Variants in GAD2 observed in about 807,000 individuals in gnomAD.
The protein encoded by GAD2 is glutamate decarboxylase 2, also known as 65 kDa glutamic acid decarboxylase.
Under a neutral mutation model 80.1 loss-of-function variants are expected in GAD2, and 22 were observed. The ratio of observed to expected loss-of-function variants is 0.27; its 90% CI spans 0.20 to 0.39. The LOEUF (loss-of-function observed/expected upper bound fraction) is 0.39. Among genes scored for constraint, GAD2 ranks in the 10% least tolerant of loss-of-function variants. The pLI, the probability that GAD2 is intolerant of heterozygous loss-of-function variation, is 1.00. For synonymous variants in GAD2, 274 were observed against 256.9 expected (o/e 1.07, Z -0.64); for missense variants, 624 against 738.4 (o/e 0.85, Z 1.80).
At chr10:26,250,172 C>T (rs1206449658) in intron 8 of GAD2, among the ~76,000 whole-genome samples, 2 of 152,084 alleles carry the variant, frequency 1.3e-5, no homozygotes, top group Non-Finnish European at 2.9e-5. Context: ...CACTACGACA[C>T]CCAGCTCATT....
intron 4 of GAD2, among the ~76,000 whole-genome samples, chr10:26,220,704 C>G (rs747901379): frequency 1.3e-5 from 2 of 152,116 alleles, no homozygotes; most frequent in Non-Finnish European, 2.9e-5. Context: ...TATTTAGATA[C>G]GTTAATAGTA....
At chr10:26,239,264 T>C (rs1270469790) in intron 7 of GAD2, among the ~76,000 whole-genome samples, 2 of 152,210 alleles carry the variant, frequency 1.3e-5, no homozygotes, top group African/African-American at 4.8e-5. Context: ...TTTCTCTTTA[T>C]TTGAGGTCTC....
At chr10:26,245,392 A>G (rs1167642190) in intron 7 of GAD2, among the ~76,000 whole-genome samples, 1 of 152,012 alleles carries the variant, frequency 6.6e-6, no homozygotes. Flanking sequence ...ATAAAAAAAA[A>G]ATAAATAAAA....
intron 8 of GAD2, among the ~76,000 whole-genome samples, chr10:26,254,128 C>G (rs557583667): frequency 1.8e-4 from 27 of 152,300 alleles, no homozygotes; most frequent in African/African-American, 5.8e-4. Flanking sequence ...CCTCTGCCTC[C>G]CAGGTTCCAG....
rs1247700080 is a variant in GAD2, at chr10:26,229,705, T to C, written c.768T>C (p.Phe256=). The part of the protein sequence containing the change: ...SNMYAMMIAR[F]KMFPEVKEKG... ...TGTATGCCATGATGATCGCACGCTT[T>C]AAGATGTTCCCAGAAGTCAAGGAGA... Residue 256 remains phenylalanine, a synonymous_variant, in exon 7 of 16, where the codon TTT becomes TTC. Transcript: ENST00000376261. The C allele has an allele frequency of 6.2e-7, 1 of 1,614,210 alleles. No individual in the cohort carries two copies. The highest frequency in any genetic ancestry group is 1.1e-5 in the South Asian group (1 of 91,076).
chr10:26,273,859 G>A (rs1415723404), intron 11 of GAD2, among the ~76,000 whole-genome samples, 159 bp downstream of exon 11: 1 of 151,780 alleles, frequency 6.6e-6, no homozygotes, highest in Non-Finnish European at 1.5e-5. Context: ...CATGAATGTG[G>A]GTAAACAACA....
intron 6 of GAD2, chr10:26,224,863 C>A: frequency 1.9e-6 from 1 of 520,166 alleles, no homozygotes. Context: ...TATTTGTGTG[C>A]AAAGTGAGCA....
At chr10:26,269,442 C>T (rs8190709) in intron 9 of GAD2, among the ~76,000 whole-genome samples, 1 of 152,204 alleles carries the variant, frequency 6.6e-6, no homozygotes, top group Non-Finnish European at 1.5e-5. Flanking sequence ...TGAGGGTTGG[C>T]ATGAAACACC....
At position 26,270,630 on chromosome 10, in the gene GAD2, G is replaced by C; in HGVS notation, c.976-10G>C. 6.3e-7 allele frequency: 1 copy of C among 1,598,546 alleles called. No homozygotes were observed. The highest frequency in any genetic ancestry group is 1.1e-5 in the South Asian group (1 of 90,730). ...GTTTTCCATGATTTGGGGCTTTCTC[G>C]TTCGCACAGGGGTTTGTTCCTTTCC... On this transcript the variant is annotated splice_polypyrimidine_tract_variant and intron_variant, in intron 9 of 15. Transcript: ENST00000376261.
intron 6 of GAD2, among the ~76,000 whole-genome samples, chr10:26,226,973 A>G (rs1844535062): frequency 1.3e-5 from 2 of 152,154 alleles, no homozygotes; most frequent in Admixed American, 1.3e-4. Flanking sequence ...ATGTTTCAGC[A>G]CTTGCTTTTA....
intron 15 of GAD2, 71 bp from the exon 16 acceptor site, chr10:26,300,717 G>C (rs1834320068): frequency 7.2e-7 from 1 of 1,389,980 alleles, no homozygotes; most frequent in Non-Finnish European, 1.0e-6. Flanking sequence ...GACGCTGCTT[G>C]CTGTTGGGTT....
chr10:26,218,088 G>T, intron 3 of GAD2, 97 bp downstream of exon 3: 1 of 1,304,524 alleles, frequency 7.7e-7, no homozygotes, highest in South Asian at 1.5e-5. Context: ...CCGGACAGGG[G>T]CGTCGAGGTG....
chr10:26,303,165 A>C lies in GAD2; in HGVS notation c.*2204A>C, dbSNP rs1302778578. The C allele has an allele frequency of 1.3e-5, 2 of 152,172 alleles. No individual in the cohort carries two copies. Among genetic ancestry groups the C allele is most frequent in the African/African-American group, 2.4e-5 (1 of 41,434 alleles). 9.4% of individuals were successfully genotyped at this position (152,172 alleles called of 1,614,324 possible). A position where few individuals can be genotyped will look rare whatever the true frequency, so the allele number is the denominator to read the frequency against. ...CCTAGATTATAAACTGCTGCTTTTT[A>C]GGTTAATGAGATGGTAAAATTTTAA... On this transcript the variant is annotated 3_prime_UTR_variant, in exon 16 of 16. Coordinates refer to ENST00000376261, the MANE Select transcript of GAD2 (RefSeq NM_001134366.2).
chr10:26,286,877 C>CA (rs948872668), intron 13 of GAD2, among the ~76,000 whole-genome samples: 3 of 151,978 alleles, frequency 2.0e-5, no homozygotes, highest in Non-Finnish European at 4.4e-5. Flanking sequence ...GTCTGGAGAA[C>CA]AAAAAAGAAA....
chr10:26,255,570 C>T (rs527933107), intron 8 of GAD2, among the ~76,000 whole-genome samples: 6 of 140,286 alleles, frequency 4.3e-5, no homozygotes, highest in African/African-American at 1.6e-4. Flanking sequence ...AGGTGGAGGA[C>T]CCACTAGAGA....
intron 7 of GAD2, among the ~76,000 whole-genome samples, chr10:26,235,584 A>C (rs982108428): frequency 3.9e-5 from 6 of 152,378 alleles, no homozygotes; most frequent in African/African-American, 1.4e-4. Context: ...AAGAGTTCCA[A>C]GATTACTTTT....
At position 26,265,038 on chromosome 10, in the gene GAD2, T is replaced by C. The variant is rs117587070; in HGVS notation, c.921-4081T>C. On this transcript the variant is annotated intron_variant, in intron 8 of 15. Transcript: ENST00000376261. ...TAATCAGTTCTTCCCTTTGGAGCTATGGGGAATTAGGCATGAAACTGGGAC... is the reference window on the plus strand; with the variant it reads ...TAATCAGTTCTTCCCTTTGGAGCTACGGGGAATTAGGCATGAAACTGGGAC... 9.3e-3 allele frequency among the ~76,000 whole-genome samples: 1,422 copies of C among 152,258 alleles called. 15 individuals carry two copies. The highest frequency in any genetic ancestry group is 0.016 in the Non-Finnish European group (1,085 of 67,994).
chr10:26,275,364 A>C (rs1435809383), intron 11 of GAD2, among the ~76,000 whole-genome samples: 1 of 152,086 alleles, frequency 6.6e-6, no homozygotes, highest in Non-Finnish European at 1.5e-5. Context: ...TAAATTACCT[A>C]CCCTGAGCCT....
chr10:26,217,708 CG>C lies in GAD2; in HGVS notation c.136+43del, dbSNP rs750938580. The C allele has an allele frequency of 1.2e-6, 2 of 1,606,814 alleles. No individual in the cohort carries two copies. The highest frequency in any genetic ancestry group is 1.7e-5 in the Admixed American group (1 of 59,098). ...GACCGGGGCGGCCAAGGTCGGCCCG[CG>C]GGGTCCAAGCAGTCTTCTCACCTCC... On this transcript the variant is annotated intron_variant, in intron 2 of 15. Transcript: ENST00000376261. This position sits in a 1 kb window ranked among gnomAD's most constrained non-coding sequence, Gnocchi z 4.9.
Sources: allele counts gnomAD v4.1 joint callset (sites outside exome capture counted in the v4.1 genomes callset), GRCh38; gene constraint gnomAD v4.1.1; non-coding constraint Gnocchi (gnomAD v3.1); transcripts MANE v1.5; gene names NCBI Gene and HGNC (gene_info 2026-07-23, HGNC 2026-07-21).